Variants in CNGA1 observed in about 807,000 individuals in gnomAD.
CNGA1 encodes the protein cyclic nucleotide gated channel subunit alpha 1, also known as cyclic nucleotide-gated channel alpha-1.
CNGA1 carries 53 observed loss-of-function variants against 69.7 expected under a neutral mutation model. The ratio of observed to expected loss-of-function variants is 0.76; its 90% CI spans 0.61 to 0.96. The LOEUF is 0.96. Among genes scored for constraint, CNGA1 ranks in the 40% least tolerant of loss-of-function variants. CNGA1 has a pLI of 0.00. For synonymous variants in CNGA1, 249 were observed against 283.5 expected, an observed-to-expected ratio of 0.88 and a Z score of 1.22; for missense variants, 739 against 811.2, an observed-to-expected ratio of 0.91 and a Z score of 1.08.
intron 1 of CNGA1, among the ~76,000 whole-genome samples, chr4:48,011,342 G>GAA (rs71200915): frequency 4.7e-5 from 7 of 148,616 alleles, no homozygotes; most frequent in Non-Finnish European, 7.4e-5. Context: ...TCCTGGGAGA[G>GAA]AAAAAAAACA....
chr4:47,996,303 C>T (rs760623831), intron 2 of CNGA1, among the ~76,000 whole-genome samples: 8 of 152,072 alleles, frequency 5.3e-5, no homozygotes, highest in Non-Finnish European at 1.0e-4. Context: ...GTTGATAGCT[C>T]CTTGGAATAT....
intron 3 of CNGA1, among the ~76,000 whole-genome samples, chr4:47,976,864 T>C (rs1399628193): frequency 1.3e-5 from 2 of 152,134 alleles, no homozygotes; most frequent in African/African-American, 2.4e-5. Flanking sequence ...CTAGAGAAAT[T>C]AGTAAGAGAA....
At chr4:48,011,822 C>T (rs759064010) in intron 1 of CNGA1, among the ~76,000 whole-genome samples, 5 of 152,010 alleles carry the variant, frequency 3.3e-5, no homozygotes, top group East Asian at 1.9e-4. Flanking sequence ...CCTAAAGACA[C>T]GGGATTCATA....
At chr4:47,938,910 GA>G (rs367825838) in intron 10 of CNGA1, among the ~76,000 whole-genome samples, 1 of 144,782 alleles carries the variant, frequency 6.9e-6, no homozygotes, top group Admixed American at 7.0e-5. Flanking sequence ...TTATTTGAAA[GA>G]AAAAAAGAAA....
Position 47,936,351 on chromosome 4 carries a change from T to G in CNGA1, c.*70A>C. On this transcript the variant is annotated 3_prime_UTR_variant, in exon 11 of 11. Transcript: ENST00000514170. ...CTGAGTCTTCCTCTTCTTTTAAATT[T>G]TAGTTGATGTCAGTCATAGGATCAA... is the stretch of plus-strand genomic sequence containing the variant. The G allele has an allele frequency of 1.9e-6, 3 of 1,544,988 alleles. No individual in the cohort carries two copies. The highest frequency in any genetic ancestry group is 1.8e-6 in the Non-Finnish European group (2 of 1,119,344).
rs187802155 is a variant in CNGA1 at position 47,942,030 on chromosome 4, A to G, written c.545+11T>C. Reference sequence around the variant, plus strand: ...AGATCCACAAAAAAAAAAAAAAAAAATTATAGACACCTGGCAATAACCATT... The same window carrying G: ...AGATCCACAAAAAAAAAAAAAAAAAGTTATAGACACCTGGCAATAACCATT... On this transcript the variant is annotated intron_variant, in intron 9 of 10. Coordinates refer to ENST00000514170, the MANE Select transcript of CNGA1 (RefSeq NM_001379270.1). The G allele has an allele frequency of 7.0e-4, 1,024 of 1,464,714 alleles. 19 individuals carry two copies. In the East Asian group the frequency reaches 0.018, roughly 26 times the overall value. The allele number at this position is 1,464,714 out of a possible 1,614,324, so 90.7% of individuals were successfully genotyped here.
intron 2 of CNGA1, among the ~76,000 whole-genome samples, chr4:48,004,446 G>C (rs1714813359): frequency 6.6e-6 from 1 of 152,104 alleles, no homozygotes; most frequent in African/African-American, 2.4e-5. Context: ...CACCGACCCT[G>C]TGGGGCTGGA....
intron 1 of CNGA1, among the ~76,000 whole-genome samples, chr4:48,012,141 T>C (rs1715192323): frequency 6.6e-6 from 1 of 152,132 alleles, no homozygotes; most frequent in African/African-American, 2.4e-5. Flanking sequence ...CAGAGTCAAG[T>C]TGGAAAATAA....
intron 2 of CNGA1, among the ~76,000 whole-genome samples, chr4:47,982,682 ATATC>A (rs998953650): frequency 1.4e-4 from 22 of 152,242 alleles, no homozygotes; most frequent in African/African-American, 3.4e-4. Flanking sequence ...ATATCGCTAA[ATATC>A]TATCTAATGC....
At chr4:47,944,029 C>A (rs547843852) in intron 6 of CNGA1, among the ~76,000 whole-genome samples, 2 of 152,304 alleles carry the variant, frequency 1.3e-5, no homozygotes, top group African/African-American at 4.8e-5. Context: ...GGAATAGATT[C>A]TGAAGTCAGA....
Position 47,937,182 on chromosome 4 carries a change from A to AC in CNGA1, c.1299dup (p.Phe434ValfsTer2). On this transcript the variant is annotated frameshift_variant, in exon 11 of 11. Coordinates refer to ENST00000514170, the MANE Select transcript of CNGA1 (RefSeq NM_001379270.1). LOFTEE classifies it high-confidence loss of function. ...TTTTTGTTGGTCCACAGGTAGTCAA[A>AC]CCATTTAATAACCCTCTTTTCCATA... 2 of 1,614,192 alleles carry AC rather than the reference A, an allele frequency of 1.2e-6. No individual in the cohort carries two copies. The highest frequency in any genetic ancestry group is 1.7e-6 in the Non-Finnish European group (2 of 1,180,042).
In CNGA1 at chr4:47,936,508, A is replaced by C; in HGVS notation, c.1974T>G (p.Val658=). 1 of 1,614,168 alleles carries C rather than the reference A, an allele frequency of 6.2e-7. No homozygotes were observed. The highest frequency in any genetic ancestry group is 1.1e-5 in the South Asian group (1 of 91,082). The change falls in exon 11 of 11, where the codon GTT becomes GTG. Residue 658 remains valine (V), a synonymous_variant. Transcript: ENST00000514170. ...CAATAAGCGGTTTCAGAAATTTCTC[A>C]ACCTTGGTTAATCTTTGTTTCAGTT... The part of the protein sequence containing the change: ...QQKLKQRLTK[V]EKFLKPLIDT...
At chr4:47,990,193 G>A (rs924718837) in intron 2 of CNGA1, among the ~76,000 whole-genome samples, 1 of 152,132 alleles carries the variant, frequency 6.6e-6, no homozygotes, top group Non-Finnish European at 1.5e-5. Flanking sequence ...GGAGGATAAA[G>A]GTCTGACTGC....
Position 47,940,845 on chromosome 4 carries a change from A to C in CNGA1, c.570T>G (p.Ser190=). Residue 190 remains serine (S), a synonymous_variant, in exon 10 of 11, where the codon TCT becomes TCG. Coordinates refer to ENST00000514170, the MANE Select transcript of CNGA1 (RefSeq NM_001379270.1). Reference sequence around the variant, plus strand: ...AAATGAGCCAATATTCTAGGTAATCAGATTGAAGTTCATCAAAACATGCTC... The same window carrying C: ...AAATGAGCCAATATTCTAGGTAATCCGATTGAAGTTCATCAAAACATGCTC... ...IARACFDELQ[S]DYLEYWLILD... The C allele has an allele frequency of 6.2e-7, 1 of 1,610,812 alleles. No individual in the cohort carries two copies. Among genetic ancestry groups the C allele is most frequent in the Non-Finnish European group, 8.5e-7 (1 of 1,177,392 alleles).
At chr4:47,998,692 C>T (rs370335592) in intron 2 of CNGA1, among the ~76,000 whole-genome samples, 47 of 152,240 alleles carry the variant, frequency 3.1e-4, no homozygotes, top group African/African-American at 1.0e-3. Flanking sequence ...GCAAGAGAAT[C>T]GCTTGAACCT....
chr4:47,949,749 T>G, intron 6 of CNGA1, 84 bp downstream of exon 6: 2 of 968,902 alleles, frequency 2.1e-6, no homozygotes, highest in Non-Finnish European at 3.3e-6. Context: ...ATGTTTCCTC[T>G]ATAACAGATT....
chr4:47,995,206 T>G (rs1391354802), intron 2 of CNGA1, among the ~76,000 whole-genome samples: 2 of 152,200 alleles, frequency 1.3e-5, no homozygotes, highest in African/African-American at 2.4e-5. Flanking sequence ...GTGCTTCTTG[T>G]ATTTGGATGT....
chr4:47,978,021 T>A (rs1284215019), intron 3 of CNGA1, among the ~76,000 whole-genome samples: 2 of 152,160 alleles, frequency 1.3e-5, no homozygotes, highest in African/African-American at 4.8e-5. Context: ...AGATGGGGTT[T>A]CTCCATGTTG....
intron 3 of CNGA1, among the ~76,000 whole-genome samples, chr4:47,964,675 C>T (rs1215897892): frequency 1.3e-5 from 2 of 151,860 alleles, no homozygotes; most frequent in African/African-American, 4.8e-5. Flanking sequence ...CCATCTTTTC[C>T]CTACTGATCT....
Sources: gnomAD v4.1 joint callset for allele counts (sites outside exome capture counted in the v4.1 genomes callset) on GRCh38, gnomAD v4.1.1 for gene constraint, MANE v1.5 for transcripts, NCBI Gene and HGNC (gene_info 2026-07-23, HGNC 2026-07-21) for gene names.